The following MTRR variants were observed in gnomAD, a reference collection of about 807,000 sequenced individuals.
The protein encoded by MTRR is 5-methyltetrahydrofolate-homocysteine methyltransferase reductase.
Under a neutral mutation model 79.2 loss-of-function variants are expected in MTRR, and 63 were observed. The ratio of observed to expected loss-of-function variants is 0.80; its 90% CI spans 0.65 to 0.98. The LOEUF (loss-of-function observed/expected upper bound fraction) is 0.98. MTRR is among the 50% of genes least tolerant of loss of function. The probability of loss-of-function intolerance (pLI) is 0.00; values close to 1 mark genes in which losing one functional copy is unlikely to be tolerated. For synonymous variants in MTRR, 355 were observed against 313.3 expected (o/e 1.13, Z -1.41); for missense variants, 895 against 839.6 (o/e 1.07, Z -0.82).
At chr5:7,890,727 A>G (rs1419015508) in intron 9 of MTRR, among the ~76,000 whole-genome samples, 1 of 152,224 alleles carries the variant, frequency 6.6e-6, no homozygotes, top group Non-Finnish European at 1.5e-5. Flanking sequence ...TAAAAATAAA[A>G]CATACCAAAA....
intron 9 of MTRR, chr5:7,890,305 G>A (rs1270516525): frequency 1.0e-6 from 1 of 985,178 alleles, no homozygotes; most frequent in East Asian, 1.1e-4. Flanking sequence ...AGACCGTGTT[G>A]CTGAATGAGG....
upstream of MTRR, chr5:7,867,904 G>C: frequency 6.2e-7 from 1 of 1,614,062 alleles, no homozygotes; most frequent in Non-Finnish European, 8.5e-7. Context: ...TTTTACAATG[G>C]GCATGATGGA....
rs1746180831 is a variant in MTRR, at chr5:7,854,604, G to GATAAAACC, written n.391+3026_391+3027insCATAAAAC. Among the ~76,000 whole-genome samples, 4 of 152,226 alleles carry GATAAAACC rather than the reference G, an allele frequency of 2.6e-5. No individual in the cohort carries two copies. In the South Asian group the frequency reaches 8.3e-4, roughly 32 times the overall value. ...GGAAGATGCAAAAGCGGAAACCCCT[G>GATAAAACC]ATAAAACTATCAGATCTCATGAGAC... On this transcript the variant is annotated intron_variant and non_coding_transcript_variant, in intron 1 of 3. Transcript: ENST00000502509.
chr5:7,893,044 A>G (rs1737898777), intron 11 of MTRR, 131 bp downstream of exon 11: 8 of 1,099,424 alleles, frequency 7.3e-6, no homozygotes, highest in Non-Finnish European at 9.3e-6. Context: ...GAATTTTAAA[A>G]TCTCTATTGC....
chr5:7,893,160 C>A, intron 11 of MTRR: 1 of 521,976 alleles, frequency 1.9e-6, no homozygotes, highest in Non-Finnish European at 3.4e-6. Flanking sequence ...TTGTCCTATT[C>A]ATGGAAAAGA....
chr5:7,859,016 C>T (rs74497754), intron 1 of MTRR: 1 of 152,380 alleles, frequency 6.6e-6, no homozygotes, highest in Non-Finnish European at 1.5e-5. Flanking sequence ...GCACTGTACT[C>T]TATTTCTCAT....
intron 10 of MTRR, 51 bp from the exon 11 acceptor site, chr5:7,892,676 T>C (rs777390592): frequency 3.2e-6 from 5 of 1,550,742 alleles, no homozygotes; most frequent in South Asian, 2.2e-5. Flanking sequence ...TTGACCCATA[T>C]GTGTAGTAGT....
chr5:7,867,818 C>G (rs770362537), upstream of MTRR: 35 of 1,614,054 alleles, frequency 2.2e-5, no homozygotes, highest in South Asian at 3.6e-4. Context: ...TTGTTCAAGC[C>G]TGTCGCAGTC....
chr5:7,869,140 G>T, upstream of MTRR: 2 of 1,613,380 alleles, frequency 1.2e-6, no homozygotes, highest in Non-Finnish European at 8.5e-7. Context: ...GAGCATGGGC[G>T]CTGCGTCAGT....
At chr5:7,860,383 T>C (rs1392376663) in intron 1 of MTRR, among the ~76,000 whole-genome samples, 1 of 152,218 alleles carries the variant, frequency 6.6e-6, no homozygotes, top group Non-Finnish European at 1.5e-5. Context: ...TAAGTGTTGG[T>C]GAAGCTCCTT....
chr5:7,866,990 G>A (rs201384822), upstream of MTRR: 72 of 1,614,130 alleles, frequency 4.5e-5, no homozygotes, highest in East Asian at 1.3e-3. Flanking sequence ...AGGATCCAAC[G>A]TGAGGCACAC....
chr5:7,892,629 A>T, intron 10 of MTRR, 98 bp from the exon 11 acceptor site: 1 of 1,297,210 alleles, frequency 7.7e-7, no homozygotes, highest in South Asian at 1.2e-5. Context: ...ATTAGAGCCT[A>T]TAAGGAAATA....
At position 7,896,809 on chromosome 5, in the gene MTRR, T is replaced by A. The variant is rs183933079; in HGVS notation, c.1677-55T>A. On this transcript the variant is annotated intron_variant, in intron 12 of 14. Transcript: ENST00000440940. ...TGGTGGTAGTTCCTAATGAAAGAGATTGGTTTTACATATTCTTTATATCAC... is the reference window on the plus strand; with the variant it reads ...TGGTGGTAGTTCCTAATGAAAGAGAATGGTTTTACATATTCTTTATATCAC... 1.2e-4 allele frequency: 167 copies of A among 1,370,514 alleles called. No homozygotes were observed. The African/African-American group carries it at 2.1e-3, about 18-fold the overall frequency. 84.9% of individuals were successfully genotyped at this position (1,370,514 alleles called of 1,614,324 possible). A position where few individuals can be genotyped will look rare whatever the true frequency, so the allele number is the denominator to read the frequency against.
chr5:7,897,961 G>A (rs972425116), intron 14 of MTRR, among the ~76,000 whole-genome samples: 1 of 151,458 alleles, frequency 6.6e-6, no homozygotes, highest in African/African-American at 2.4e-5. Flanking sequence ...TACTGGCATC[G>A]TGACCCAGAA....
Position 7,899,094 on chromosome 5 carries a change from T to A in MTRR, c.1953-820T>A, listed in dbSNP as rs1739039968. On this transcript the variant is annotated intron_variant, in intron 14 of 14. Transcript: ENST00000440940. ...GGTGCCACACACTCAAATAGCCAGATCTCTCAGGAACTCAGAGGGAGAACT... is the reference window on the plus strand; with the variant it reads ...GGTGCCACACACTCAAATAGCCAGAACTCTCAGGAACTCAGAGGGAGAACT... 2.0e-5 allele frequency among the ~76,000 whole-genome samples: 3 copies of A among 151,824 alleles called. No homozygotes were observed. In the South Asian group the frequency reaches 6.2e-4, roughly 32 times the overall value.
At chr5:7,853,071 T>C (rs1477608613) in intron 1 of MTRR, among the ~76,000 whole-genome samples, 1 of 152,202 alleles carries the variant, frequency 6.6e-6, no homozygotes, top group Admixed American at 6.5e-5. Context: ...ATCTTTTTCT[T>C]CTTGGATGGA....
intron 1 of MTRR, chr5:7,859,532 T>G: frequency 6.3e-7 from 1 of 1,590,746 alleles, no homozygotes; most frequent in Non-Finnish European, 8.6e-7. Flanking sequence ...AATCTCATGA[T>G]AGGGGATCTG....
chr5:7,861,247 C>T, intron 1 of MTRR: 1 of 1,602,394 alleles, frequency 6.2e-7, no homozygotes. Context: ...TTTGGACCAT[C>T]AATACACAGT....
intron 8 of MTRR, among the ~76,000 whole-genome samples, chr5:7,887,790 GTGCATATATATATATATATATATATA>G (rs1287253305): frequency 1.6e-5 from 1 of 63,560 alleles, no homozygotes; most frequent in South Asian, 5.5e-4. Flanking sequence ...GTGTGTGTGT[GTGCATATATATATATATATATATATA>G]TATATATATA....
Sources: gnomAD v4.1 joint callset for allele counts (sites outside exome capture counted in the v4.1 genomes callset) on GRCh38, gnomAD v4.1.1 for gene constraint, MANE v1.5 for transcripts, NCBI Gene and HGNC (gene_info 2026-07-23, HGNC 2026-07-21) for gene names.